The following RREB1 variants were observed in gnomAD, a reference collection of about 807,000 sequenced individuals.
RREB1 encodes the protein ras-responsive element-binding protein 1.
Under a neutral mutation model 117.8 loss-of-function variants are expected in RREB1, and 27 were observed. The observed-to-expected ratio is 0.23, with a 90% CI of 0.17 to 0.32. RREB1 has a LOEUF of 0.32. RREB1 is among the 10% of genes least tolerant of loss of function. The pLI is 1.00. For synonymous variants in RREB1, 1,298 were observed against 1,026.7 expected (o/e 1.26, Z -5.05); for missense variants, 2,577 against 2,378.2 (o/e 1.08, Z -1.74).
chr6:7,131,552 GT>G (rs1006152670), intron 1 of RREB1, among the ~76,000 whole-genome samples: 5 of 152,344 alleles, frequency 3.3e-5, no homozygotes, highest in Admixed American at 6.5e-5. Context: ...ACTCTAGCTA[GT>G]TAGTGAGGGA....
chr6:7,246,184 C>A (rs1769005768), intron 11 of RREB1, among the ~76,000 whole-genome samples: 1 of 152,228 alleles, frequency 6.6e-6, no homozygotes, highest in South Asian at 2.1e-4. Flanking sequence ...GGGGCACAGC[C>A]AGCCCTGGGA....
intron 1 of RREB1, among the ~76,000 whole-genome samples, chr6:7,118,143 CAG>C (rs1206567576): frequency 2.0e-5 from 3 of 152,112 alleles, no homozygotes; most frequent in Non-Finnish European, 2.9e-5. Context: ...CTTTTTGAGA[CAG>C]AGTCTTGCAC....
intron 1 of RREB1, among the ~76,000 whole-genome samples, chr6:7,109,059 C>T (rs1378386214): frequency 3.3e-5 from 5 of 151,630 alleles, no homozygotes; most frequent in African/African-American, 9.7e-5. Flanking sequence ...GTCACGAGCA[C>T]AGGAAGGAGG....
chr6:7,230,202 C>T lies in RREB1; in HGVS notation c.2103C>T (p.Cys701=). The change falls in exon 10 of 13, where the codon TGC becomes TGT. Residue 701 remains cysteine (C), a synonymous_variant. Transcript: ENST00000379938. ...ACAGTGGGGAGCGGCCCTACATTTGCAAGATCTGCCACTACCCCTTCACTG... is the reference window on the plus strand; with the variant it reads ...ACAGTGGGGAGCGGCCCTACATTTGTAAGATCTGCCACTACCCCTTCACTG... ...RTHSGERPYI[C]KICHYPFTVK... The T allele has an allele frequency of 6.2e-7, 1 of 1,605,714 alleles. No individual in the cohort carries two copies. The highest frequency in any genetic ancestry group is 1.1e-5 in the South Asian group (1 of 91,086).
intron 1 of RREB1, among the ~76,000 whole-genome samples, chr6:7,119,865 C>T (rs1039900391): frequency 6.6e-6 from 1 of 151,960 alleles, no homozygotes; most frequent in Admixed American, 6.6e-5. Flanking sequence ...CTTTGAAAAC[C>T]GGTGGTGGCA....
intron 1 of RREB1, among the ~76,000 whole-genome samples, chr6:7,172,427 G>C (rs758936840): frequency 2.0e-5 from 3 of 148,230 alleles, no homozygotes; most frequent in Non-Finnish European, 3.0e-5. Flanking sequence ...TTTTTTTTCT[G>C]TATCAGAGAT....
Position 7,189,289 on chromosome 6 carries a change from G to A in RREB1, c.392G>A (p.Gly131Asp), listed in dbSNP as rs764664430. 10 of 1,599,536 alleles carry A rather than the reference G, an allele frequency of 6.3e-6. No individual in the cohort carries two copies. In the African/African-American group the frequency reaches 9.4e-5, roughly 15 times the overall value. ...GERPYKCTVC[G>D]QSFTTNGNMH... ...AGGCCTTACAAGTGCACTGTGTGTGGCCAGTCATTTACCACCAATGGGAAC... is the reference window on the plus strand; with the variant it reads ...AGGCCTTACAAGTGCACTGTGTGTGACCAGTCATTTACCACCAATGGGAAC... The change falls in exon 6 of 13, where the codon GGC becomes GAC. Residue 131 changes from glycine to aspartate, a missense_variant. Physicochemically the swap from Gly to Asp is moderately conservative, Grantham distance 94. Transcript: ENST00000379938.
intron 8 of RREB1, chr6:7,214,336 T>G (rs1250351889): frequency 6.6e-6 from 1 of 152,250 alleles, no homozygotes; most frequent in East Asian, 1.9e-4. Flanking sequence ...TGACAGGGAC[T>G]TGGCCCCTCT....
intron 1 of RREB1, among the ~76,000 whole-genome samples, chr6:7,141,951 C>G (rs1762616405): frequency 6.6e-6 from 1 of 152,224 alleles, no homozygotes; most frequent in African/African-American, 2.4e-5. Flanking sequence ...TAGGCTCACG[C>G]TCGTAATTCC....
intron 1 of RREB1, among the ~76,000 whole-genome samples, chr6:7,164,468 G>A (rs1394173031): frequency 6.6e-6 from 1 of 152,176 alleles, no homozygotes; most frequent in African/African-American, 2.4e-5. Flanking sequence ...TTTTCTGAAT[G>A]CATTAACCTC....
chr6:7,141,436 A>G (rs1297707110), intron 1 of RREB1, among the ~76,000 whole-genome samples: 1 of 152,146 alleles, frequency 6.6e-6, no homozygotes, highest in Non-Finnish European at 1.5e-5. Context: ...TTAGGGAAAG[A>G]TTAGAAGATG....
At chr6:7,132,993 T>C (rs1013035141) in intron 1 of RREB1, among the ~76,000 whole-genome samples, 1 of 152,222 alleles carries the variant, frequency 6.6e-6, no homozygotes, top group Non-Finnish European at 1.5e-5. Flanking sequence ...CATCAAGCAA[T>C]ACAAGTAGTC....
intron 6 of RREB1, 59 bp downstream of exon 6, chr6:7,189,381 G>A: frequency 2.0e-6 from 3 of 1,472,854 alleles, no homozygotes; most frequent in Non-Finnish European, 1.8e-6. Flanking sequence ...TGGCAGGCAG[G>A]ACAGTGGCCT....
chr6:7,182,969 T>C (rs1453059181), intron 4 of RREB1: 2 of 152,250 alleles, frequency 1.3e-5, no homozygotes, highest in East Asian at 3.8e-4. Flanking sequence ...ATAATCCTAC[T>C]GTGGCTGTCC....
intron 1 of RREB1, among the ~76,000 whole-genome samples, chr6:7,116,295 A>G (rs1761394261): frequency 6.6e-6 from 1 of 151,968 alleles, no homozygotes; most frequent in African/African-American, 2.4e-5. Flanking sequence ...TGTTGCCTGG[A>G]TTGTTCATTC....
chr6:7,214,124 T>C (rs1766766625), intron 8 of RREB1: 1 of 152,330 alleles, frequency 6.6e-6, no homozygotes, highest in Non-Finnish European at 1.5e-5. Context: ...CACTGGACGC[T>C]CGTCATTTTT....
intron 11 of RREB1, among the ~76,000 whole-genome samples, chr6:7,245,756 C>T (rs1768969552): frequency 6.6e-6 from 1 of 152,152 alleles, no homozygotes; most frequent in Non-Finnish European, 1.5e-5. Flanking sequence ...GTGCTGTTGC[C>T]AAGCCTGGCA....
Position 7,247,229 on chromosome 6 carries a change from G to C in RREB1, c.4771+8G>C. 6.2e-7 allele frequency: 1 copy of C among 1,607,344 alleles called. No individual in the cohort carries two copies. Among genetic ancestry groups the C allele is most frequent in the Non-Finnish European group, 8.5e-7 (1 of 1,176,264 alleles). On this transcript the variant is annotated splice_region_variant and intron_variant, in intron 12 of 12. Coordinates refer to ENST00000379938, the MANE Select transcript of RREB1 (RefSeq NM_001003699.4). ...ACATGCGCTCCCACACAGGTAACCAGGGCAGGCCAGGTCCCCGGCCCAACA... is the reference window on the plus strand; with the variant it reads ...ACATGCGCTCCCACACAGGTAACCACGGCAGGCCAGGTCCCCGGCCCAACA...
At chr6:7,164,436 T>C (rs191222427) in intron 1 of RREB1, among the ~76,000 whole-genome samples, 1 of 152,366 alleles carries the variant, frequency 6.6e-6, no homozygotes, top group East Asian at 1.9e-4. Context: ...AGGGGGACTG[T>C]GGTAAATGTC....
Sources: allele counts gnomAD v4.1 joint callset (sites outside exome capture counted in the v4.1 genomes callset), GRCh38; gene constraint gnomAD v4.1.1; transcripts MANE v1.5; gene names NCBI Gene and HGNC (gene_info 2026-07-23, HGNC 2026-07-21).